NFKB1: variants seen among roughly 807,000 people sequenced by gnomAD.
NFKB1 encodes nuclear factor NF-kappa-B p105 subunit.
NFKB1 carries 9 observed loss-of-function variants against 105.1 expected under a neutral mutation model. The observed-to-expected ratio is 0.09, with a 90% CI of 0.05 to 0.15. The LOEUF (loss-of-function observed/expected upper bound fraction) is 0.15, where lower values mean the gene tolerates loss of function less well. Ranked by LOEUF, NFKB1 falls within the 10% of genes least tolerant of loss-of-function variation. The pLI is 1.00. For synonymous variants in NFKB1, 440 were observed against 442.2 expected (o/e 1.00, Z 0.06); for missense variants, 830 against 1,203.7 (o/e 0.69, Z 4.59).
At chr4:102,603,031 T>G (rs996107843) in intron 16 of NFKB1, among the ~76,000 whole-genome samples, 1 of 152,188 alleles carries the variant, frequency 6.6e-6, no homozygotes, top group African/African-American at 2.4e-5. Flanking sequence ...ATTTTATGTT[T>G]ATAAATAGGA....
At chr4:102,578,760 T>C in intron 7 of NFKB1, 121 bp from the exon 8 acceptor site, 1 of 1,012,726 alleles carries the variant, frequency 9.9e-7, no homozygotes, top group Non-Finnish European at 1.4e-6. Context: ...ATATGAAGAG[T>C]TTCAAAAGAG....
At chr4:102,552,704 C>G (rs936921921) in intron 5 of NFKB1, among the ~76,000 whole-genome samples, 5 of 152,118 alleles carry the variant, frequency 3.3e-5, no homozygotes, top group Admixed American at 3.3e-4. Flanking sequence ...GAATGTATAA[C>G]TTACTTCATA....
chr4:102,522,131 G>A (rs1208934796), intron 1 of NFKB1, among the ~76,000 whole-genome samples: 1 of 152,044 alleles, frequency 6.6e-6, no homozygotes, highest in African/African-American at 2.4e-5. Context: ...GGTTTTCCCT[G>A]GTCTTTTCTA....
rs2149208475 is a variant in NFKB1 at position 102,597,547 on chromosome 4, A to G, written c.1523A>G (p.Gln508Arg). ...AACCTCTTTCTAGAGAAGGCTATGC[A>G]GCTTGCAAAGAGGCATGCCAATGCC... ...QDNLFLEKAM[Q>R]LAKRHANALF... is the part of the protein sequence containing the mutation. Residue 508 changes from glutamine (Q) to arginine (R), a missense_variant, in exon 15 of 24, where the codon CAG (glutamine) becomes CGG (arginine). Physicochemically the swap from Gln to Arg is conservative, Grantham distance 43 (BLOSUM62 1). Transcript: ENST00000226574. 6.2e-7 allele frequency: 1 copy of G among 1,613,468 alleles called. No individual in the cohort carries two copies. The highest frequency in any genetic ancestry group is 1.3e-5 in the African/African-American group (1 of 75,054).
intron 13 of NFKB1, among the ~76,000 whole-genome samples, chr4:102,595,537 T>C (rs527293272): frequency 6.6e-6 from 1 of 152,372 alleles, no homozygotes; most frequent in African/African-American, 2.4e-5. Context: ...ATGACTGCTC[T>C]ATATGGAAAA....
chr4:102,506,319 A>G (rs3774934), intron 1 of NFKB1, among the ~76,000 whole-genome samples: 138,638 of 152,248 alleles, frequency 0.91, 63,606 homozygotes, highest in African/African-American at 0.98. Context: ...AATTGTTAAC[A>G]CTTATCTAAA....
chr4:102,521,575 A>G (rs777101066), intron 1 of NFKB1, among the ~76,000 whole-genome samples: 13 of 152,236 alleles, frequency 8.5e-5, no homozygotes, highest in East Asian at 1.9e-4. Context: ...ATGAAATCCT[A>G]TAGAAAGAAT....
Position 102,584,871 on chromosome 4 carries a change from T to C in NFKB1, c.1066+51T>C, listed in dbSNP as rs751540036. ...GCTCATATTTTATTTTATTTTATTTTTGGTTTTTGTTTTGTTTTGTTTTGT... is the reference window on the plus strand; with the variant it reads ...GCTCATATTTTATTTTATTTTATTTCTGGTTTTTGTTTTGTTTTGTTTTGT... On this transcript the variant is annotated intron_variant, in intron 11 of 23. Transcript: ENST00000226574. 7.9e-6 allele frequency: 12 copies of C among 1,521,800 alleles called. No individual in the cohort carries two copies. In the African/African-American group the frequency reaches 1.7e-4, roughly 22 times the overall value. 94.3% of individuals were successfully genotyped at this position (1,521,800 alleles called of 1,614,324 possible).
intron 20 of NFKB1, among the ~76,000 whole-genome samples, chr4:102,611,369 A>G (rs1202728213): frequency 7.7e-6 from 1 of 130,048 alleles, no homozygotes; most frequent in Non-Finnish European, 1.7e-5. Flanking sequence ...TTCTCCCTTT[A>G]TGTTAGCACC....
chr4:102,584,032 A>G (rs4648038), intron 10 of NFKB1, among the ~76,000 whole-genome samples: 7,660 of 152,300 alleles, frequency 0.05, 351 homozygotes, highest in Non-Finnish European at 0.068. Flanking sequence ...AGGATACCTA[A>G]GAAATTAATA....
chr4:102,616,172 G>T (rs1265555890), intron 23 of NFKB1, among the ~76,000 whole-genome samples: 1 of 152,174 alleles, frequency 6.6e-6, no homozygotes. Context: ...AATTCAGAAA[G>T]GATTCTCATA....
chr4:102,612,722 T>G, intron 22 of NFKB1, 116 bp downstream of exon 22: 1 of 1,035,266 alleles, frequency 9.7e-7, no homozygotes, highest in Non-Finnish European at 1.4e-6. Context: ...AAACCAGTCA[T>G]TGCCCAAGGC....
intron 15 of NFKB1, among the ~76,000 whole-genome samples, chr4:102,600,300 T>TA (rs1727029938): frequency 6.6e-6 from 1 of 152,174 alleles, no homozygotes; most frequent in South Asian, 2.1e-4. Flanking sequence ...TGGTGGGAAA[T>TA]ACAATCACTT....
chr4:102,593,304 G>A, intron 11 of NFKB1, 121 bp from the exon 12 acceptor site: 1 of 920,502 alleles, frequency 1.1e-6, no homozygotes, highest in East Asian at 2.5e-5. Flanking sequence ...CTTCCTCTTT[G>A]AGTGCTTTCT....
intron 10 of NFKB1, among the ~76,000 whole-genome samples, chr4:102,583,753 TCTC>T (rs1373179748): frequency 3.3e-5 from 5 of 151,498 alleles, no homozygotes; most frequent in African/African-American, 1.2e-4. Context: ...TAATTATTAT[TCTC>T]CTATTTACAA....
At chr4:102,599,375 G>C (rs1014950241) in intron 15 of NFKB1, among the ~76,000 whole-genome samples, 9 of 152,186 alleles carry the variant, frequency 5.9e-5, no homozygotes, top group African/African-American at 2.2e-4. Flanking sequence ...AGGCTCTTCT[G>C]TGCCGGAGTT....
At chr4:102,562,406 G>T (rs1011356046) in intron 5 of NFKB1, among the ~76,000 whole-genome samples, 1 of 152,162 alleles carries the variant, frequency 6.6e-6, no homozygotes, top group African/African-American at 2.4e-5. Flanking sequence ...CAAGAACAGA[G>T]ATTGTGTCTG....
At chr4:102,550,109 C>T (rs1012801917) in intron 5 of NFKB1, among the ~76,000 whole-genome samples, 2 of 151,956 alleles carry the variant, frequency 1.3e-5, no homozygotes, top group East Asian at 1.9e-4. Context: ...AGTATGAACT[C>T]GTGGATTCTT....
chr4:102,533,653 G>T (rs910189392), intron 3 of NFKB1, among the ~76,000 whole-genome samples, 192 bp from the exon 4 acceptor site: 1 of 152,112 alleles, frequency 6.6e-6, no homozygotes, highest in African/African-American at 2.4e-5. Flanking sequence ...TAAAACTATT[G>T]TTAAAATAAG....
Sources: allele counts gnomAD v4.1 joint callset (sites outside exome capture counted in the v4.1 genomes callset), GRCh38; gene constraint gnomAD v4.1.1; transcripts MANE v1.5; gene names NCBI Gene and HGNC (gene_info 2026-07-23, HGNC 2026-07-21).